The following IFT122 variants were observed in gnomAD, a reference collection of about 807,000 sequenced individuals.
The protein encoded by IFT122 is intraflagellar transport protein 122 homolog.
In IFT122, 118 loss-of-function variants were observed where a neutral mutation model predicts 161.6. That is an observed-to-expected ratio of 0.73 (90% CI 0.63 to 0.85). The LOEUF is 0.85. Ranked by LOEUF, IFT122 falls within the 40% of genes least tolerant of loss-of-function variation. The probability of loss-of-function intolerance (pLI) is 0.00; values close to 1 mark genes in which losing one functional copy is unlikely to be tolerated. For synonymous variants in IFT122, 550 were observed against 602.4 expected (o/e 0.91, Z 1.27); for missense variants, 1,381 against 1,579.6 (o/e 0.87, Z 2.13).
Position 129,483,534 on chromosome 3 carries a change from T to C in IFT122, c.1703T>C (p.Leu568Pro). Reference protein sequence around the residue: ...VAWNTQCEDMLCFSGGGYLNI... With the variant: ...VAWNTQCEDMPCFSGGGYLNI... ...TGGAACACCCAGTGTGAGGACATGC[T>C]CTGCTTCTCGGGAGGAGGCTACCTC... Residue 568 changes from leucine (L) to proline (P), a missense_variant, in exon 15 of 30, where the codon CTC becomes CCC. Leu to Pro is a moderately conservative substitution (Grantham distance 98, BLOSUM62 -3). Transcript: ENST00000348417. 1 of 1,614,056 alleles carries C rather than the reference T, an allele frequency of 6.2e-7. No homozygotes were observed.
At chr3:129,466,308 G>A (rs2108148775) in intron 7 of IFT122, among the ~76,000 whole-genome samples, 1 of 152,036 alleles carries the variant, frequency 6.6e-6, no homozygotes, top group South Asian at 2.1e-4. Flanking sequence ...GCTGTACCAT[G>A]CATGTCTAAT....
At chr3:129,476,945 C>A in intron 11 of IFT122, 144 bp downstream of exon 11, 34 of 642,368 alleles carry the variant, frequency 5.3e-5, no homozygotes, top group Non-Finnish European at 8.2e-5. Flanking sequence ...GTCTTGTTTT[C>A]TTTTTTTTTT....
At chr3:129,516,307 C>CACACACAG (rs2083580408) in intron 26 of IFT122, among the ~76,000 whole-genome samples, 2 of 119,570 alleles carry the variant, frequency 1.7e-5, no homozygotes, top group African/African-American at 8.3e-5. Flanking sequence ...CACACACACA[C>CACACACAG]AGAGACTGCC....
intron 20 of IFT122, among the ~76,000 whole-genome samples, chr3:129,503,626 T>G (rs1401879465): frequency 6.6e-6 from 1 of 151,902 alleles, no homozygotes; most frequent in Non-Finnish European, 1.5e-5. Context: ...AAGCCTTCAC[T>G]GAGAGGAGCC....
chr3:129,459,233 AG>A (rs1308818308), intron 4 of IFT122: 3 of 447,504 alleles, frequency 6.7e-6, no homozygotes, highest in African/African-American at 6.1e-5. Flanking sequence ...GTGACTGATC[AG>A]TATTGCTCAT....
chr3:129,483,215 A>C (rs1398852631), intron 14 of IFT122, among the ~76,000 whole-genome samples: 3 of 152,244 alleles, frequency 2.0e-5, no homozygotes, highest in Non-Finnish European at 2.9e-5. Flanking sequence ...GAAAGGTATG[A>C]GCATATTTCA....
At position 129,495,527 on chromosome 3, in the gene IFT122, G is replaced by A; in HGVS notation, c.2128G>A (p.Ala710Thr). The A allele has an allele frequency of 3.7e-6, 6 of 1,614,158 alleles. No homozygotes were observed. Among genetic ancestry groups the A allele is most frequent in the East Asian group, 2.2e-5 (1 of 44,872 alleles). The change falls in exon 18 of 30, where the codon GCC becomes ACC. Residue 710 changes from alanine to threonine, a missense_variant. Ala to Thr is a moderately conservative substitution (Grantham distance 58). Transcript: ENST00000348417. ...FSYQGKFHEA[A>T]KLYKRSGHEN... is the part of the protein sequence containing the mutation. ...CTACCAGGGGAAGTTCCATGAGGCC[G>A]CCAAACTGTACAAGAGGAGTGGGCA...
intron 26 of IFT122, 47 bp from the exon 27 acceptor site, chr3:129,517,422 C>A: frequency 6.2e-7 from 1 of 1,608,978 alleles, no homozygotes; most frequent in Non-Finnish European, 8.5e-7. Flanking sequence ...GCGGCAAGTC[C>A]TTTGCAAGGC....
chr3:129,503,323 G>T (rs1367607181), intron 20 of IFT122, among the ~76,000 whole-genome samples: 2 of 151,914 alleles, frequency 1.3e-5, no homozygotes, highest in Non-Finnish European at 2.9e-5. Context: ...GACTGTGAGA[G>T]CCATTTCAGG....
At chr3:129,461,328 T>TG in intron 5 of IFT122, 24 bp downstream of exon 5, 1 of 1,551,126 alleles carries the variant, frequency 6.4e-7, no homozygotes, top group Non-Finnish European at 8.9e-7. Flanking sequence ...CCTGATGTCC[T>TG]GTCCTGGAAT....
At chr3:129,470,281 C>T (rs974574999) in intron 9 of IFT122, among the ~76,000 whole-genome samples, 1 of 151,136 alleles carries the variant, frequency 6.6e-6, no homozygotes, top group African/African-American at 2.4e-5. Flanking sequence ...TAATTTTTTT[C>T]GAGATGGAGT....
At chr3:129,516,033 A>G (rs2083459371) in intron 26 of IFT122, among the ~76,000 whole-genome samples, 2 of 146,186 alleles carry the variant, frequency 1.4e-5, no homozygotes, top group African/African-American at 5.1e-5. Context: ...ACACACACAC[A>G]TACAGAAACT....
rs777126874 is a variant in IFT122, at chr3:129,467,008, A to C, written c.682A>C (p.Ser228Arg). 6.2e-7 allele frequency: 1 copy of C among 1,614,204 alleles called. No individual in the cohort carries two copies. Among genetic ancestry groups the C allele is most frequent in the South Asian group, 1.1e-5 (1 of 91,076 alleles). The change falls in exon 8 of 30, where the codon AGT (serine) becomes CGT (arginine). Residue 228 changes from serine to arginine, a missense_variant. By Grantham distance (110) the Ser-to-Arg change is moderately radical (BLOSUM62 -1). Coordinates refer to ENST00000348417, the MANE Select transcript of IFT122 (RefSeq NM_052989.3). ...GTCAGCAGTGTACAGTAGTCAGGGT[A>C]GTGAGGCAGAGGAGGAAGAACCAGA... ...LKSAVYSSQGSEAEEEEPEEE... is the reference protein window; with the variant it reads ...LKSAVYSSQGREAEEEEPEEE...
intron 1 of IFT122, among the ~76,000 whole-genome samples, chr3:129,447,757 C>T (rs6777052): frequency 0.13 from 20,246 of 152,142 alleles, 1,725 homozygotes; most frequent in South Asian, 0.24. Context: ...GTGATCCGCC[C>T]GCCTCGGCCT....
At chr3:129,472,660 A>G (rs1310822307) in intron 9 of IFT122, among the ~76,000 whole-genome samples, 1 of 152,184 alleles carries the variant, frequency 6.6e-6, no homozygotes, top group African/African-American at 2.4e-5. Flanking sequence ...ATTTCTTGAA[A>G]TATTTCTTCT....
intron 9 of IFT122, among the ~76,000 whole-genome samples, chr3:129,471,005 A>G (rs1304745026): frequency 6.6e-6 from 1 of 152,234 alleles, no homozygotes; most frequent in Non-Finnish European, 1.5e-5. Context: ...ACTTGTTTCC[A>G]TGGAGGGTGG....
In IFT122 at chr3:129,467,077, C is replaced by A; in HGVS notation, c.740+11C>A. On this transcript the variant is annotated intron_variant, in intron 8 of 29. Coordinates refer to ENST00000348417, the MANE Select transcript of IFT122 (RefSeq NM_052989.3). ...CAGGGACGACAACTTGTGAGTGTGT[C>A]CCAGTGAGTGGGAACCCTTCTGGTA... 1 of 1,612,200 alleles carries A rather than the reference C, an allele frequency of 6.2e-7. No individual in the cohort carries two copies. Among genetic ancestry groups the A allele is most frequent in the Non-Finnish European group, 8.5e-7 (1 of 1,179,310 alleles).
chr3:129,454,977 G>A (rs1216684684), intron 3 of IFT122, among the ~76,000 whole-genome samples: 1 of 152,122 alleles, frequency 6.6e-6, no homozygotes, highest in East Asian at 1.9e-4. Flanking sequence ...CCTAACCCAG[G>A]TTCTCTGACT....
rs148342188 is a variant in IFT122, at chr3:129,505,754, G to A, written c.2651-655G>A. Among the ~76,000 whole-genome samples the A allele has an allele frequency of 1.4e-3, 218 of 152,310 alleles. 5 individuals carry two copies. In the East Asian group the frequency reaches 0.038, roughly 27 times the overall value. On this transcript the variant is annotated intron_variant, in intron 21 of 29. Coordinates refer to ENST00000348417, the MANE Select transcript of IFT122 (RefSeq NM_052989.3). ...AATATCTGTTAAACAGTATAGGAAC[G>A]ATTGAGAGTTTTTTTGCTTGTTTTC...
Sources: gnomAD v4.1 joint callset for allele counts (sites outside exome capture counted in the v4.1 genomes callset) on GRCh38, gnomAD v4.1.1 for gene constraint, MANE v1.5 for transcripts, NCBI Gene and HGNC (gene_info 2026-07-23, HGNC 2026-07-21) for gene names.